The following ZNF831 variants were observed in gnomAD, a reference collection of about 807,000 sequenced individuals.
The protein encoded by ZNF831 is chromosome 20 open reading frame 174.
Under a neutral mutation model 95.8 loss-of-function variants are expected in ZNF831, and 59 were observed. The ratio of observed to expected loss-of-function variants is 0.62; its 90% confidence interval spans 0.50 to 0.77. The LOEUF is 0.77. ZNF831 is among the 30% of genes least tolerant of loss of function. ZNF831 has a pLI of 0.00. For synonymous variants in ZNF831, 961 were observed against 925.5 expected, an observed-to-expected ratio of 1.04 and a Z score of -0.70; for missense variants, 2,205 against 2,164.0, an observed-to-expected ratio of 1.02 and a Z score of -0.38.
chr20:59,132,942 G>C (rs1280330656), intron 1 of ZNF831, among the ~76,000 whole-genome samples: 4 of 152,270 alleles, frequency 2.6e-5, no homozygotes, highest in Non-Finnish European at 5.9e-5. Flanking sequence ...CAACTGACCT[G>C]TTAGGGTATG....
intron 1 of ZNF831, among the ~76,000 whole-genome samples, chr20:59,130,776 G>A (rs780323221): frequency 1.3e-5 from 2 of 152,122 alleles, no homozygotes; most frequent in African/African-American, 4.8e-5. Context: ...AATGGTTCTT[G>A]GGTGGGAGGT....
At chr20:59,250,815 C>T (rs1175595388) in intron 4 of ZNF831, among the ~76,000 whole-genome samples, 5 of 152,014 alleles carry the variant, frequency 3.3e-5, no homozygotes, top group Non-Finnish European at 1.5e-5. Context: ...AGGAAATTCC[C>T]CCAAAAGTGA....
intron 3 of ZNF831, among the ~76,000 whole-genome samples, chr20:59,205,078 C>T (rs1984794908): frequency 6.6e-6 from 1 of 152,068 alleles, no homozygotes; most frequent in Non-Finnish European, 1.5e-5. Context: ...GGAGAAAGAC[C>T]CCCGCTTGCT....
At chr20:59,216,620 G>T (rs1985696608) in intron 4 of ZNF831, among the ~76,000 whole-genome samples, 1 of 152,192 alleles carries the variant, frequency 6.6e-6, no homozygotes, top group Admixed American at 6.5e-5. Context: ...TGGCCAGTGT[G>T]CCAGGGTGAG....
intron 4 of ZNF831, among the ~76,000 whole-genome samples, chr20:59,239,323 C>T (rs1216441001): frequency 6.6e-6 from 1 of 152,150 alleles, no homozygotes; most frequent in African/African-American, 2.4e-5. Flanking sequence ...GTGTAAACTA[C>T]TTGATTTCAA....
chr20:59,144,942 A>C (rs1460507448), intron 1 of ZNF831, among the ~76,000 whole-genome samples: 6 of 152,212 alleles, frequency 3.9e-5, no homozygotes, highest in African/African-American at 1.4e-4. Context: ...TTTGTCCCAC[A>C]GTGCTTGTTC....
chr20:59,188,412 T>A (rs993551556), intron 1 of ZNF831, among the ~76,000 whole-genome samples: 1 of 152,204 alleles, frequency 6.6e-6, no homozygotes, highest in Non-Finnish European at 1.5e-5. Context: ...TAATAGCTGA[T>A]GGGATGAAGC....
Position 59,191,102 on chromosome 20 carries a change from G to A in ZNF831, c.83G>A (p.Gly28Asp), listed in dbSNP as rs1451437492. ...APTPGPPGAPGGQASPHLTLG... is the reference protein window; with the variant it reads ...APTPGPPGAPDGQASPHLTLG... Reference sequence around the variant, plus strand: ...ACTCCTGGCCCTCCAGGGGCCCCAGGTGGCCAGGCCTCACCTCACCTGACC... The same window carrying A: ...ACTCCTGGCCCTCCAGGGGCCCCAGATGGCCAGGCCTCACCTCACCTGACC... Residue 28 changes from glycine to aspartate, a missense_variant, in exon 2 of 6, where the codon GGT (glycine) becomes GAT (aspartate). By Grantham distance (94) the Gly-to-Asp change is moderately conservative. Transcript: ENST00000371030. 2.7e-5 allele frequency: 43 copies of A among 1,563,970 alleles called. No homozygotes were observed. Among genetic ancestry groups the A allele is most frequent in the Non-Finnish European group, 3.5e-5 (41 of 1,161,482 alleles).
At chr20:59,238,628 T>C (rs1165235522) in intron 4 of ZNF831, among the ~76,000 whole-genome samples, 1 of 152,232 alleles carries the variant, frequency 6.6e-6, no homozygotes, top group Non-Finnish European at 1.5e-5. Context: ...GGCTTAACTT[T>C]CTTTTCTCTT....
chr20:59,191,825 C>T lies in ZNF831; in HGVS notation c.806C>T (p.Pro269Leu), dbSNP rs2146554511. The change falls in exon 2 of 6, where the codon CCA becomes CTA. Residue 269 changes from proline (P) to leucine (L), a missense_variant. Physicochemically the swap from Pro to Leu is moderately conservative, Grantham distance 98. Coordinates refer to ENST00000371030, the MANE Select transcript of ZNF831 (RefSeq NM_178457.3). ...GTGAGGACCGAAGCTGCTCCCTGTCCAGGGTCCGCATTTGCCGACAGAGAG... is the reference window on the plus strand; with the variant it reads ...GTGAGGACCGAAGCTGCTCCCTGTCTAGGGTCCGCATTTGCCGACAGAGAG... ...LDVRTEAAPC[P>L]GSAFADREAP... The T allele has an allele frequency of 6.2e-7, 1 of 1,613,480 alleles. No homozygotes were observed.
In ZNF831 at chr20:59,192,117, T is replaced by G. The variant is rs1983609434; in HGVS notation, c.1098T>G (p.Leu366=). 6.3e-7 allele frequency: 1 copy of G among 1,579,924 alleles called. No individual in the cohort carries two copies. The part of the protein sequence containing the change: ...PHAPCSPLHS[L]SEHSAESEGE... Reference sequence around the variant, plus strand: ...CGCCCTGCAGCCCCCTGCACAGCCTTTCGGAGCACAGCGCCGAGTCCGAGG... The same window carrying G: ...CGCCCTGCAGCCCCCTGCACAGCCTGTCGGAGCACAGCGCCGAGTCCGAGG... The change falls in exon 2 of 6, where the codon CTT becomes CTG. Residue 366 remains leucine (L), a synonymous_variant. Transcript: ENST00000371030. This position sits in a 1 kb window ranked among gnomAD's most constrained non-coding sequence, Gnocchi z 5.2.
At chr20:59,218,468 C>T (rs1289014411) in intron 4 of ZNF831, among the ~76,000 whole-genome samples, 2 of 152,140 alleles carry the variant, frequency 1.3e-5, no homozygotes, top group Non-Finnish European at 1.5e-5. Context: ...CATTATCTCA[C>T]AGAACAGAGA....
At chr20:59,232,994 G>GCACACACACACACACACA (rs59267396) in intron 4 of ZNF831, among the ~76,000 whole-genome samples, 5 of 122,990 alleles carry the variant, frequency 4.1e-5, no homozygotes, top group Admixed American at 1.7e-4. Context: ...GGACCCTGAG[G>GCACACACACACACACACA]CACACACACA....
intron 2 of ZNF831, chr20:59,146,757 G>A (rs1374775254): frequency 6.6e-6 from 1 of 152,232 alleles, no homozygotes; most frequent in Non-Finnish European, 1.5e-5. Context: ...CTCCATCCAA[G>A]GGGCTTTGGG....
At chr20:59,220,073 C>T (rs544517596) in intron 4 of ZNF831, among the ~76,000 whole-genome samples, 4 of 152,232 alleles carry the variant, frequency 2.6e-5, no homozygotes, top group East Asian at 1.9e-4. Flanking sequence ...GAAATGGGGA[C>T]GGTTCTGCTT....
At chr20:59,247,363 C>T (rs898924110) in intron 4 of ZNF831, among the ~76,000 whole-genome samples, 1 of 152,162 alleles carries the variant, frequency 6.6e-6, no homozygotes, top group Admixed American at 6.5e-5. Flanking sequence ...GAATTTCTCC[C>T]CCGTTGAACT....
intron 4 of ZNF831, among the ~76,000 whole-genome samples, chr20:59,214,453 G>A (rs1035916116): frequency 6.6e-6 from 1 of 152,120 alleles, no homozygotes; most frequent in Non-Finnish European, 1.5e-5. Context: ...AGGAACTGGG[G>A]GGCAGTTTTC....
chr20:59,242,245 T>A (rs1987379459), intron 4 of ZNF831, among the ~76,000 whole-genome samples: 1 of 152,224 alleles, frequency 6.6e-6, no homozygotes, highest in Admixed American at 6.5e-5. Context: ...ATGGATCAAT[T>A]TCTCCTTTTT....
At chr20:59,231,736 C>T (rs954488096) in intron 4 of ZNF831, among the ~76,000 whole-genome samples, 1 of 152,176 alleles carries the variant, frequency 6.6e-6, no homozygotes, top group African/African-American at 2.4e-5. Flanking sequence ...ACTGTCCGCC[C>T]CTTGCCGTTT....
Sources: gnomAD v4.1 joint callset for allele counts (sites outside exome capture counted in the v4.1 genomes callset) on GRCh38, gnomAD v4.1.1 for gene constraint, Gnocchi (gnomAD v3.1) non-coding constraint, MANE v1.5 for transcripts, NCBI Gene and HGNC (gene_info 2026-07-23, HGNC 2026-07-21) for gene names.